OLFM2: variants seen among roughly 807,000 people sequenced by gnomAD.
The protein encoded by OLFM2 is olfactomedin 2, also known as noelin-2.
OLFM2 carries 20 observed loss-of-function variants against 43.9 expected under a neutral mutation model. The ratio of observed to expected loss-of-function variants is 0.46; its 90% CI spans 0.32 to 0.66. OLFM2 has a LOEUF of 0.66. OLFM2 is among the 30% of genes least tolerant of loss of function. OLFM2 has a pLI of 0.04. For missense variants in OLFM2, 416 were observed against 643.6 expected, an observed-to-expected ratio of 0.65 and a Z score of 3.83; for synonymous variants, 268 against 278.6, an observed-to-expected ratio of 0.96 and a Z score of 0.38.
Position 9,856,682 on chromosome 19 carries a change from C to A in OLFM2, c.687+125G>T. Reference sequence around the variant, plus strand: ...TACTGGACAGGGAGGTCCAATGGCCCTGGGGGATCCAGGACACTTTGGGCT... The same window carrying A: ...TACTGGACAGGGAGGTCCAATGGCCATGGGGGATCCAGGACACTTTGGGCT... On this transcript the variant is annotated intron_variant, in intron 5 of 5. Coordinates refer to ENST00000264833, the MANE Select transcript of OLFM2 (RefSeq NM_058164.4). The surrounding 1 kb of genome is among the most constrained non-coding windows in gnomAD (Gnocchi z 4.0). 1 of 764,906 alleles carries A rather than the reference C, an allele frequency of 1.3e-6. No homozygotes were observed. The highest frequency in any genetic ancestry group is 1.7e-5 in the South Asian group (1 of 58,760). 47.4% of individuals were successfully genotyped at this position (764,906 alleles called of 1,614,324 possible).
intron 1 of OLFM2, among the ~76,000 whole-genome samples, chr19:9,900,187 ACC>A (rs1342533385): frequency 6.6e-6 from 1 of 151,654 alleles, no homozygotes; most frequent in Non-Finnish European, 1.5e-5. Context: ...ACTCCCACCC[ACC>A]CCATGGCCAA....
At chr19:9,898,480 C>A (rs905108681) in intron 1 of OLFM2, among the ~76,000 whole-genome samples, 1 of 151,670 alleles carries the variant, frequency 6.6e-6, no homozygotes, top group African/African-American at 2.4e-5. Context: ...AGAGATTGTG[C>A]CATTGCACTC....
At chr19:9,895,758 A>G (rs1000469530) in intron 1 of OLFM2, among the ~76,000 whole-genome samples, 3 of 151,756 alleles carry the variant, frequency 2.0e-5, no homozygotes, top group African/African-American at 7.3e-5. Context: ...GCCCCAGCCT[A>G]CTGAGTAGCT....
Position 9,853,880 on chromosome 19 carries a change from A to AGAGT in OLFM2, c.*305_*306insACTC, listed in dbSNP as rs1599460107. ...AGGAGGGAGGGGTGGAAGGACAGAG[A>AGAGT]GAGAGAGACAGAGAGAGGCAGAGAC... On this transcript the variant is annotated 3_prime_UTR_variant, in exon 6 of 6. Coordinates refer to ENST00000264833, the MANE Select transcript of OLFM2 (RefSeq NM_058164.4). The AGAGT allele has an allele frequency of 3.6e-6, 2 of 550,200 alleles. No homozygotes were observed. The highest frequency in any genetic ancestry group is 3.6e-5 in the Admixed American group (1 of 27,812). The allele number at this position is 550,200 out of a possible 1,614,324, so 34.1% of individuals were successfully genotyped here.
intron 1 of OLFM2, among the ~76,000 whole-genome samples, chr19:9,894,527 C>A (rs937063888): frequency 2.0e-5 from 3 of 151,446 alleles, no homozygotes; most frequent in African/African-American, 7.3e-5. Flanking sequence ...CTGACCAACA[C>A]GGAGAAACCC....
chr19:9,876,002 A>G (rs1031419494), intron 1 of OLFM2, among the ~76,000 whole-genome samples: 2 of 152,150 alleles, frequency 1.3e-5, no homozygotes, highest in African/African-American at 4.8e-5. Flanking sequence ...AGCTGAAGGC[A>G]GAGAATCTAA....
chr19:9,866,556 G>A (rs887883129), intron 1 of OLFM2, among the ~76,000 whole-genome samples: 5 of 145,656 alleles, frequency 3.4e-5, no homozygotes, highest in African/African-American at 7.8e-5. Context: ...CTGGAGTGCA[G>A]TGGCATGATC....
chr19:9,867,024 G>C (rs778194922), intron 1 of OLFM2, among the ~76,000 whole-genome samples: 1 of 152,066 alleles, frequency 6.6e-6, no homozygotes, highest in Non-Finnish European at 1.5e-5. Context: ...TCTTGCTGTC[G>C]GGCCAGGGAT....
intron 1 of OLFM2, among the ~76,000 whole-genome samples, chr19:9,908,464 A>ATTTTTTTT (rs34305631): frequency 3.2e-4 from 13 of 40,364 alleles, no homozygotes; most frequent in African/African-American, 1.6e-3. Flanking sequence ...CACCTGGCTA[A>ATTTTTTTT]TTTTTTTTTT....
intron 1 of OLFM2, among the ~76,000 whole-genome samples, chr19:9,921,767 G>A (rs1383287043): frequency 6.6e-6 from 1 of 152,088 alleles, no homozygotes; most frequent in Non-Finnish European, 1.5e-5. Flanking sequence ...TTACAGGCAT[G>A]AGCCACCACA....
chr19:9,881,494 G>A lies in OLFM2; in HGVS notation c.64-20700C>T, dbSNP rs2046539572. On this transcript the variant is annotated intron_variant, in intron 1 of 5. Coordinates refer to ENST00000264833, the MANE Select transcript of OLFM2 (RefSeq NM_058164.4). ...GCTGGGCAGCATAAGCAACAAAAAT[G>A]CATTGTCTCACAGTTCTGGAGGCCG... Among the ~76,000 whole-genome samples the A allele has an allele frequency of 2.0e-5, 3 of 152,052 alleles. No homozygotes were observed. In the South Asian group the frequency reaches 6.2e-4, roughly 32 times the overall value.
intron 1 of OLFM2, among the ~76,000 whole-genome samples, chr19:9,918,007 T>C (rs2086396581): frequency 6.6e-6 from 1 of 151,404 alleles, no homozygotes; most frequent in Admixed American, 6.6e-5. Flanking sequence ...GCCTCCCAAG[T>C]AGCTGGGTTT....
intron 1 of OLFM2, among the ~76,000 whole-genome samples, chr19:9,874,116 T>C (rs1425062369): frequency 6.6e-6 from 1 of 152,192 alleles, no homozygotes; most frequent in Non-Finnish European, 1.5e-5. Flanking sequence ...TCCATTACTA[T>C]TAACTAAACT....
intron 1 of OLFM2, among the ~76,000 whole-genome samples, chr19:9,895,489 T>TTC (rs2046675692): frequency 7.4e-6 from 1 of 135,336 alleles, no homozygotes; most frequent in South Asian, 2.2e-4. Flanking sequence ...AGTGAGACCC[T>TTC]GTCTCAAATA....
intron 1 of OLFM2, among the ~76,000 whole-genome samples, chr19:9,879,398 C>T (rs1452585966): frequency 2.0e-5 from 3 of 152,018 alleles, no homozygotes; most frequent in Non-Finnish European, 2.9e-5. Context: ...TCCCAAAGTG[C>T]TGGGATTACA....
At chr19:9,897,062 C>T (rs1280148862) in intron 1 of OLFM2, among the ~76,000 whole-genome samples, 1 of 152,126 alleles carries the variant, frequency 6.6e-6, no homozygotes, top group East Asian at 1.9e-4. Context: ...GATGTGGTGG[C>T]TCACACCTGT....
chr19:9,883,305 T>C (rs556448668), intron 1 of OLFM2, among the ~76,000 whole-genome samples: 7 of 151,598 alleles, frequency 4.6e-5, no homozygotes, highest in African/African-American at 1.7e-4. Flanking sequence ...GGTAAGCATA[T>C]CCAGGCTGAC....
chr19:9,901,048 A>AAGGGAGGG (rs1309785326), intron 1 of OLFM2, among the ~76,000 whole-genome samples: 1 of 42,716 alleles, frequency 2.3e-5, no homozygotes, highest in Non-Finnish European at 4.1e-5. Flanking sequence ...GGAGGGAGGG[A>AAGGGAGGG]AGGGAGGGAG....
At chr19:9,910,487 G>A (rs1361015850) in intron 1 of OLFM2, among the ~76,000 whole-genome samples, 4 of 152,108 alleles carry the variant, frequency 2.6e-5, no homozygotes, top group African/African-American at 4.8e-5. Context: ...TTGGGAGGCC[G>A]AGGAGGGAGG....
Sources: gnomAD v4.1 joint callset for allele counts (sites outside exome capture counted in the v4.1 genomes callset) on GRCh38, gnomAD v4.1.1 for gene constraint, Gnocchi (gnomAD v3.1) non-coding constraint, MANE v1.5 for transcripts, NCBI Gene and HGNC (gene_info 2026-07-23, HGNC 2026-07-21) for gene names.